The following AFG2A variants were observed in gnomAD, a reference collection of about 807,000 sequenced individuals.
AFG2A encodes the protein AAA ATPase AFG2A.
chr4:122,927,889 C>A, the AFG2A span: 1 of 1,283,050 alleles, frequency 7.8e-7, no homozygotes, highest in South Asian at 1.5e-5. Flanking sequence ...TTTTGGATTT[C>A]AGATTTGGGA....
the AFG2A span, chr4:122,936,302 C>A: frequency 1.8e-5 from 8 of 436,782 alleles, no homozygotes; most frequent in South Asian, 3.4e-4. Context: ...TAATGAAATT[C>A]TATTTCTATC....
the AFG2A span, among the ~76,000 whole-genome samples, chr4:123,185,886 G>T: frequency 1.7e-3 from 252 of 150,442 alleles, 4 homozygotes; most frequent in South Asian, 0.014. Flanking sequence ...GCGAGACTCC[G>T]TCTAAAAAAA....
the AFG2A span, among the ~76,000 whole-genome samples, chr4:122,967,245 A>G: frequency 6.6e-6 from 1 of 152,112 alleles, no homozygotes; most frequent in Non-Finnish European, 1.5e-5. Flanking sequence ...TCTAAGAGAA[A>G]TAAAATTAGC....
the AFG2A span, among the ~76,000 whole-genome samples, chr4:123,079,528 A>C: frequency 2.0e-5 from 3 of 151,950 alleles, no homozygotes; most frequent in Admixed American, 2.0e-4. Flanking sequence ...CTGTTTAGTT[A>C]TGTTCCATGA....
the AFG2A span, among the ~76,000 whole-genome samples, chr4:123,299,595 A>G: frequency 6.6e-6 from 1 of 152,200 alleles, no homozygotes; most frequent in Non-Finnish European, 1.5e-5. Flanking sequence ...GTTGACTCAC[A>G]TCTCTGAAAA....
chr4:123,024,227 C>CAAAAAAAAAAAA, the AFG2A span, among the ~76,000 whole-genome samples: 6 of 123,560 alleles, frequency 4.9e-5, no homozygotes, highest in Admixed American at 8.2e-5. Context: ...AGACTATAAG[C>CAAAAAAAAAAAA]AAAAAAAAAA....
the AFG2A span, among the ~76,000 whole-genome samples, chr4:123,146,079 A>C: frequency 6.6e-6 from 1 of 152,156 alleles, no homozygotes; most frequent in Non-Finnish European, 1.5e-5. Context: ...CAGATTTCTC[A>C]ACAACACTAG....
chr4:123,233,278 C>T, the AFG2A span, among the ~76,000 whole-genome samples: 2 of 149,542 alleles, frequency 1.3e-5, no homozygotes, highest in African/African-American at 2.5e-5. Context: ...CACACACACA[C>T]GCACACACAC....
chr4:123,004,181 G>A, the AFG2A span, among the ~76,000 whole-genome samples: 3 of 152,302 alleles, frequency 2.0e-5, no homozygotes, highest in South Asian at 6.2e-4. Flanking sequence ...GTTCAGGTGG[G>A]AGTGGCCCAA....
chr4:123,010,439 A>G, the AFG2A span, among the ~76,000 whole-genome samples: 1 of 152,138 alleles, frequency 6.6e-6, no homozygotes, highest in East Asian at 1.9e-4. Flanking sequence ...CAATGTAGAG[A>G]CCGTGTCAGT....
chr4:123,017,234 AAGGGAG>A, the AFG2A span, among the ~76,000 whole-genome samples: 124 of 106,992 alleles, frequency 1.2e-3, no homozygotes, highest in South Asian at 0.012. Context: ...GGGAGAGGGA[AAGGGAG>A]AGGGAGAGGG....
chr4:123,019,117 A>G, the AFG2A span, among the ~76,000 whole-genome samples: 1 of 152,184 alleles, frequency 6.6e-6, no homozygotes, highest in African/African-American at 2.4e-5. Flanking sequence ...ATGCCAGGCA[A>G]AGTACAATTA....
the AFG2A span, among the ~76,000 whole-genome samples, chr4:122,971,246 A>T: frequency 4.6e-5 from 7 of 152,104 alleles, no homozygotes; most frequent in Non-Finnish European, 8.8e-5. Context: ...ATCTCTACAG[A>T]AAATTTACAG....
the AFG2A span, chr4:123,028,241 C>T: frequency 6.2e-7 from 1 of 1,614,092 alleles, no homozygotes. Flanking sequence ...TTGGAACAGG[C>T]TGTGGAATGG....
the AFG2A span, among the ~76,000 whole-genome samples, chr4:122,995,936 A>T: frequency 6.6e-6 from 1 of 152,230 alleles, no homozygotes; most frequent in Non-Finnish European, 1.5e-5. Context: ...ACCACACTTC[A>T]TCACTTTACT....
At chr4:123,056,837 G>T in the AFG2A span, among the ~76,000 whole-genome samples, 1 of 152,124 alleles carries the variant, frequency 6.6e-6, no homozygotes, top group Non-Finnish European at 1.5e-5. Flanking sequence ...TCTGAGGTAG[G>T]TGTTTATTAT....
At chr4:122,944,651 C>T in the AFG2A span, among the ~76,000 whole-genome samples, 1 of 152,300 alleles carries the variant, frequency 6.6e-6, no homozygotes, top group South Asian at 2.1e-4. Flanking sequence ...AAGTCATTCT[C>T]CGTCCAGCTT....
At chr4:123,113,860 G>A in the AFG2A span, among the ~76,000 whole-genome samples, 1 of 152,166 alleles carries the variant, frequency 6.6e-6, no homozygotes, top group East Asian at 1.9e-4. Flanking sequence ...CCTGCAGTGA[G>A]TAGCTCCTTT....
At chr4:123,100,179 T>C in the AFG2A span, among the ~76,000 whole-genome samples, 1 of 151,858 alleles carries the variant, frequency 6.6e-6, no homozygotes, top group Admixed American at 6.6e-5. Context: ...CCTTTGCTTA[T>C]TCACCCACAC....
Sources: gnomAD v4.1 joint callset for allele counts (sites outside exome capture counted in the v4.1 genomes callset) on GRCh38, gnomAD v4.1.1 for gene constraint, MANE v1.5 for transcripts, NCBI Gene and HGNC (gene_info 2026-07-23, HGNC 2026-07-21) for gene names.